Variants in MYRIP observed in about 807,000 individuals in gnomAD.
MYRIP encodes rab effector MyRIP.
Under a neutral mutation model 98.0 loss-of-function variants are expected in MYRIP, and 49 were observed. That is an observed-to-expected ratio of 0.50 (90% CI 0.40 to 0.63). The LOEUF (loss-of-function observed/expected upper bound fraction) is 0.63, where lower values mean the gene tolerates loss of function less well. MYRIP is among the 30% of genes least tolerant of loss of function. The pLI is 0.00. For synonymous variants in MYRIP, 404 were observed against 409.5 expected (o/e 0.99, Z 0.16); for missense variants, 1,004 against 1,058.2 (o/e 0.95, Z 0.71).
At chr3:39,917,513 G>A (rs1181980340) in intron 2 of MYRIP, among the ~76,000 whole-genome samples, 5 of 150,024 alleles carry the variant, frequency 3.3e-5, no homozygotes, top group Admixed American at 2.7e-4. Context: ...AACACTTTAA[G>A]CCTTGAGAGA....
At chr3:39,887,735 A>T (rs1172155498) in intron 1 of MYRIP, among the ~76,000 whole-genome samples, 8 of 152,150 alleles carry the variant, frequency 5.3e-5, no homozygotes, top group Non-Finnish European at 1.0e-4. Context: ...AGGAAGTCAA[A>T]TTGTCCCTGT....
intron 1 of MYRIP, among the ~76,000 whole-genome samples, chr3:39,890,477 C>G (rs1328475376): frequency 1.3e-5 from 2 of 151,878 alleles, no homozygotes; most frequent in Admixed American, 1.3e-4. Context: ...GAGATCTTCT[C>G]CTGTTGTTTT....
chr3:40,230,428 A>T (rs1289771013), intron 11 of MYRIP, among the ~76,000 whole-genome samples: 2 of 152,212 alleles, frequency 1.3e-5, no homozygotes, highest in Non-Finnish European at 2.9e-5. Context: ...TAAGTTTTTT[A>T]ACATAGTTGT....
At chr3:40,241,284 GC>G (rs1011252042) in intron 12 of MYRIP, among the ~76,000 whole-genome samples, 2 of 152,168 alleles carry the variant, frequency 1.3e-5, no homozygotes, top group African/African-American at 4.8e-5. Flanking sequence ...ACTACAGGGA[GC>G]CCAGCTCTGC....
chr3:40,188,667 C>G (rs1287419869), intron 9 of MYRIP, among the ~76,000 whole-genome samples: 1 of 152,102 alleles, frequency 6.6e-6, no homozygotes, highest in Non-Finnish European at 1.5e-5. Flanking sequence ...ATCCCAGCTA[C>G]TCAGGAGGCT....
chr3:39,851,941 G>A (rs1942141390), intron 1 of MYRIP, among the ~76,000 whole-genome samples: 1 of 152,060 alleles, frequency 6.6e-6, no homozygotes, highest in African/African-American at 2.4e-5. Context: ...GTGATCCTTG[G>A]TAGAATATAG....
intron 10 of MYRIP, among the ~76,000 whole-genome samples, chr3:40,201,325 G>T (rs2125647015): frequency 6.6e-6 from 1 of 152,296 alleles, no homozygotes. Flanking sequence ...TTAGTAATGA[G>T]AAAACACACA....
intron 3 of MYRIP, among the ~76,000 whole-genome samples, chr3:40,045,410 C>T (rs192593847): frequency 1.2e-4 from 18 of 152,198 alleles, no homozygotes; most frequent in Admixed American, 1.2e-3. Flanking sequence ...GAGCAAGGAG[C>T]CCATCTGGGT....
chr3:39,842,110 A>G (rs754548084), intron 1 of MYRIP, among the ~76,000 whole-genome samples: 1 of 152,120 alleles, frequency 6.6e-6, no homozygotes, highest in Non-Finnish European at 1.5e-5. Flanking sequence ...TTTTATGTAT[A>G]AGCCCCTAAC....
rs1949417489 is a variant in MYRIP, at chr3:40,122,118, T to C, written c.333-28930T>C. 2.0e-5 allele frequency among the ~76,000 whole-genome samples: 3 copies of C among 152,148 alleles called. No homozygotes were observed. The South Asian group carries it at 6.2e-4, about 31-fold the overall frequency. ...AATATTTTCAAAATTTACTCTTTGC[T>C]TATCTCATTTTCAGTTGAGAGTTTT... On this transcript the variant is annotated intron_variant, in intron 3 of 16. Transcript: ENST00000302541.
At chr3:39,828,346 A>C (rs2125581458) in intron 1 of MYRIP, among the ~76,000 whole-genome samples, 1 of 151,832 alleles carries the variant, frequency 6.6e-6, no homozygotes, top group African/African-American at 2.4e-5. Flanking sequence ...TAAGTTCAGA[A>C]ATTATTTCTT....
chr3:39,809,914 C>G lies in MYRIP; in HGVS notation c.-33C>G, dbSNP rs1460859082. 1.3e-5 allele frequency: 2 copies of G among 152,376 alleles called. No individual in the cohort carries two copies. The highest frequency in any genetic ancestry group is 2.9e-5 in the Non-Finnish European group (2 of 68,168). The allele number at this position is 152,376 out of a possible 1,614,324, so 9.4% of individuals were successfully genotyped here. On this transcript the variant is annotated splice_region_variant and 5_prime_UTR_variant, in exon 1 of 17. Coordinates refer to ENST00000302541, the MANE Select transcript of MYRIP (RefSeq NM_015460.4). ...CGGACTTGCTTCAGGCTGGCCACCC[C>G]CCGTGAGTACCGTCCGCCTCCCTCT...
intron 2 of MYRIP, among the ~76,000 whole-genome samples, chr3:39,984,382 C>G (rs922184813): frequency 6.6e-6 from 1 of 152,098 alleles, no homozygotes; most frequent in Non-Finnish European, 1.5e-5. Flanking sequence ...CGCCCTCCCC[C>G]CATCCCACAA....
At chr3:39,873,834 T>C (rs1942887914) in intron 1 of MYRIP, among the ~76,000 whole-genome samples, 1 of 152,084 alleles carries the variant, frequency 6.6e-6, no homozygotes, top group South Asian at 2.1e-4. Flanking sequence ...CCTTTTTTGG[T>C]TCCATATGAA....
At chr3:40,108,999 A>G (rs1015951818) in intron 3 of MYRIP, among the ~76,000 whole-genome samples, 2 of 151,960 alleles carry the variant, frequency 1.3e-5, no homozygotes, top group African/African-American at 4.8e-5. Context: ...CAATCCCTTT[A>G]CCTCAGAGCC....
At chr3:39,873,430 T>G (rs911305603) in intron 1 of MYRIP, among the ~76,000 whole-genome samples, 4 of 152,206 alleles carry the variant, frequency 2.6e-5, no homozygotes, top group Admixed American at 1.3e-4. Flanking sequence ...GTGTCCTGAA[T>G]GGTAATGCCT....
intron 2 of MYRIP, among the ~76,000 whole-genome samples, chr3:39,921,872 AC>A (rs1221242764): frequency 8.7e-6 from 1 of 115,472 alleles, no homozygotes; most frequent in African/African-American, 3.7e-5. Context: ...ACAGAGCAAG[AC>A]TCCGTCTCAA....
chr3:40,223,066 T>C (rs1952382139), intron 11 of MYRIP, among the ~76,000 whole-genome samples: 1 of 152,126 alleles, frequency 6.6e-6, no homozygotes, highest in South Asian at 2.1e-4. Flanking sequence ...GAGCAAAAAA[T>C]GTGAAGTTAA....
chr3:40,201,808 C>T (rs1951568768), intron 10 of MYRIP, among the ~76,000 whole-genome samples: 1 of 152,136 alleles, frequency 6.6e-6, no homozygotes. Context: ...ATGAGGAAAA[C>T]AAATGCCTTA....
Sources: allele counts gnomAD v4.1 joint callset (sites outside exome capture counted in the v4.1 genomes callset), GRCh38; gene constraint gnomAD v4.1.1; transcripts MANE v1.5; gene names NCBI Gene and HGNC (gene_info 2026-07-23, HGNC 2026-07-21).